NINJ2: variants seen among roughly 807,000 people sequenced by gnomAD.
NINJ2 encodes the protein ninjurin 2.
Under a neutral mutation model 11.7 loss-of-function variants are expected in NINJ2, and 12 were observed. The observed-to-expected ratio is 1.02, with a 90% CI of 0.66 to 1.66. The LOEUF is 1.66. Among genes scored for constraint, NINJ2 ranks in the 40% most tolerant of loss-of-function variants. The probability of loss-of-function intolerance (pLI) is 0.00; values close to 1 mark genes in which losing one functional copy is unlikely to be tolerated. For synonymous variants in NINJ2, 93 were observed against 76.8 expected (o/e 1.21, Z -1.10); for missense variants, 187 against 181.8 (o/e 1.03, Z -0.16).
intron 1 of NINJ2, among the ~76,000 whole-genome samples, chr12:582,449 G>C (rs1444046944): frequency 8.1e-6 from 1 of 122,912 alleles, no homozygotes; most frequent in African/African-American, 3.4e-5. Context: ...ATGAATGGAC[G>C]CAGGCAGGCA....
In NINJ2 at chr12:650,026, C is replaced by T. The variant is rs188382883; in HGVS notation, c.33+13302G>A. Among the ~76,000 whole-genome samples, 184 of 151,862 alleles carry T rather than the reference C, an allele frequency of 1.2e-3. 1 individual carries two copies. The highest frequency in any genetic ancestry group is 0.012 in the Admixed American group (177 of 15,248). ...TATTTCAATGAACATCTTTGCATAT[C>T]TAAACACAACTTCGATCATTTTCTT... On this transcript the variant is annotated intron_variant, in intron 1 of 3. Coordinates refer to ENST00000305108, the MANE Select transcript of NINJ2 (RefSeq NM_016533.6).
chr12:629,181 C>T (rs559044523), intron 1 of NINJ2, among the ~76,000 whole-genome samples: 1 of 152,196 alleles, frequency 6.6e-6, no homozygotes, highest in Non-Finnish European at 1.5e-5. Context: ...CAATGATACC[C>T]TCTTATTGTG....
At chr12:654,223 G>T (rs771554102) in intron 1 of NINJ2, among the ~76,000 whole-genome samples, 11 of 152,018 alleles carry the variant, frequency 7.2e-5, no homozygotes, top group Non-Finnish European at 1.2e-4. Flanking sequence ...GACACATACG[G>T]ATTAAAAGTA....
chr12:599,128 T>C (rs1947829535), intron 1 of NINJ2, among the ~76,000 whole-genome samples: 1 of 150,088 alleles, frequency 6.7e-6, no homozygotes, highest in Admixed American at 6.7e-5. Flanking sequence ...ATGGCTGTAA[T>C]CCCAGCACTT....
rs199965419 is a variant in NINJ2, at chr12:653,266, G to A, written c.33+10062C>T. ...TGATCTCTTGACCCGTGATCTGCCC[G>A]CCTCTGCCTCCCAAAGTGCTGGGAT... On this transcript the variant is annotated intron_variant, in intron 1 of 3. Coordinates refer to ENST00000305108, the MANE Select transcript of NINJ2 (RefSeq NM_016533.6). 8.6e-5 allele frequency among the ~76,000 whole-genome samples: 13 copies of A among 151,984 alleles called. No homozygotes were observed. In the East Asian group the frequency reaches 2.3e-3, roughly 27 times the overall value.
At chr12:577,984 C>T (rs1947492874) in intron 1 of NINJ2, among the ~76,000 whole-genome samples, 2 of 152,126 alleles carry the variant, frequency 1.3e-5, no homozygotes, top group Non-Finnish European at 2.9e-5. Flanking sequence ...GAAGTAAAAA[C>T]TAAAAGGCAG....
chr12:615,002 G>C (rs1352388389), intron 1 of NINJ2, among the ~76,000 whole-genome samples: 1 of 152,230 alleles, frequency 6.6e-6, no homozygotes, highest in Non-Finnish European at 1.5e-5. Context: ...CCAGCCACAG[G>C]AGGATTCTGC....
chr12:603,265 T>C lies in NINJ2; in HGVS notation c.34-37087A>G, dbSNP rs1947896226. On this transcript the variant is annotated intron_variant, in intron 1 of 3. Transcript: ENST00000305108. ...TCAGCTCATTTGCCCTAAAATTTGA[T>C]TATTTGTCTTTTTATTATAAAGTTG... Among the ~76,000 whole-genome samples the C allele has an allele frequency of 2.0e-5, 3 of 151,102 alleles. No homozygotes were observed. In the South Asian group the frequency reaches 6.2e-4, roughly 31 times the overall value.
intron 1 of NINJ2, among the ~76,000 whole-genome samples, chr12:569,074 C>T (rs374032536): frequency 3.9e-5 from 6 of 152,090 alleles, no homozygotes; most frequent in South Asian, 2.1e-4. Context: ...TTGCTGGGGC[C>T]GGGGTTTCAG....
rs1947715286 is a variant in NINJ2 at position 591,569 on chromosome 12, G to A, written c.34-25391C>T. 6.6e-6 allele frequency among the ~76,000 whole-genome samples: 1 copy of A among 152,180 alleles called. No homozygotes were observed. The highest frequency in any genetic ancestry group is 1.9e-4 in the East Asian group (1 of 5,200). ...GAAGCTCTCTGGATGGGCAGTGCTA[G>A]CGGAGTTCCATAGAGCTGGTCTTAA... On this transcript the variant is annotated intron_variant, in intron 1 of 3. Transcript: ENST00000305108. This position sits in a 1 kb window ranked among gnomAD's most constrained non-coding sequence, Gnocchi z 5.0.
At chr12:572,353 G>A (rs1476817652) in intron 1 of NINJ2, among the ~76,000 whole-genome samples, 2 of 152,224 alleles carry the variant, frequency 1.3e-5, no homozygotes, top group Non-Finnish European at 2.9e-5. Flanking sequence ...AGAGGAACAG[G>A]GGCCTGTCAC....
At chr12:638,939 C>T (rs1422420967) in intron 1 of NINJ2, among the ~76,000 whole-genome samples, 7 of 152,134 alleles carry the variant, frequency 4.6e-5, no homozygotes, top group Non-Finnish European at 1.0e-4. Flanking sequence ...AGTGTATATC[C>T]ATAGTAAGTA....
At chr12:598,036 G>C (rs892139390) in intron 1 of NINJ2, among the ~76,000 whole-genome samples, 20 of 152,218 alleles carry the variant, frequency 1.3e-4, no homozygotes, top group African/African-American at 4.8e-4. Flanking sequence ...GAGAAAGCTT[G>C]GTCTCTCGTA....
At chr12:631,836 T>C (rs2120434288) in intron 1 of NINJ2, among the ~76,000 whole-genome samples, 2 of 152,382 alleles carry the variant, frequency 1.3e-5, no homozygotes, top group South Asian at 2.1e-4. Context: ...GGAAACTATC[T>C]GAAACTCCTG....
intron 2 of NINJ2, 94 bp from the exon 3 acceptor site, chr12:565,495 C>T: frequency 7.9e-7 from 1 of 1,266,286 alleles, no homozygotes; most frequent in Non-Finnish European, 1.1e-6. Context: ...AGAGAGGGGC[C>T]CTTCAGAAAC....
chr12:623,725 G>A (rs1948181081), intron 1 of NINJ2, among the ~76,000 whole-genome samples: 1 of 152,178 alleles, frequency 6.6e-6, no homozygotes, highest in African/African-American at 2.4e-5. Context: ...CAAATACCAG[G>A]ATGTTGGGCA....
At chr12:622,512 C>A (rs1459116316) in intron 1 of NINJ2, among the ~76,000 whole-genome samples, 1 of 151,290 alleles carries the variant, frequency 6.6e-6, no homozygotes, top group Non-Finnish European at 1.5e-5. Context: ...GCTCAGGACT[C>A]TATTTGTTTA....
At chr12:575,174 C>T (rs557992502) in intron 1 of NINJ2, among the ~76,000 whole-genome samples, 8 of 152,336 alleles carry the variant, frequency 5.3e-5, no homozygotes, top group African/African-American at 1.4e-4. Flanking sequence ...TGCTGGCTCT[C>T]GCCTTCGAGC....
intron 1 of NINJ2, among the ~76,000 whole-genome samples, chr12:650,469 GC>G (rs1249342862): frequency 6.6e-6 from 1 of 152,196 alleles, no homozygotes; most frequent in East Asian, 1.9e-4. Flanking sequence ...GGAAGCCAAG[GC>G]TAGGGGATCA....
Sources: allele counts gnomAD v4.1 joint callset (sites outside exome capture counted in the v4.1 genomes callset), GRCh38; gene constraint gnomAD v4.1.1; non-coding constraint Gnocchi (gnomAD v3.1); transcripts MANE v1.5; gene names NCBI Gene and HGNC (gene_info 2026-07-23, HGNC 2026-07-21).